The following DPP6 variants were observed in gnomAD, a reference collection of about 807,000 sequenced individuals.
DPP6 encodes the protein dipeptidyl peptidase like 6.
In DPP6, 69 loss-of-function variants were observed where a neutral mutation model predicts 122.6. The observed-to-expected ratio is 0.56, with a 90% CI of 0.46 to 0.69. DPP6 has a LOEUF of 0.69. Ranked by LOEUF, DPP6 falls within the 30% of genes least tolerant of loss-of-function variation. DPP6 has a pLI of 0.00. For missense variants in DPP6, 928 were observed against 1,116.9 expected (o/e 0.83, Z 2.41); for synonymous variants, 418 against 433.1 (o/e 0.97, Z 0.43).
chr7:154,337,590 G>T (rs754396267), intron 1 of DPP6, among the ~76,000 whole-genome samples: 2 of 152,158 alleles, frequency 1.3e-5, no homozygotes, highest in Non-Finnish European at 2.9e-5. Context: ...AGTCTTCAAA[G>T]AGCTCAGAGA....
chr7:154,160,198 G>T (rs1796908435), intron 1 of DPP6, among the ~76,000 whole-genome samples: 3 of 151,708 alleles, frequency 2.0e-5, no homozygotes, highest in African/African-American at 7.3e-5. Flanking sequence ...GCAAAGACAG[G>T]ACTTGAACCC....
intron 1 of DPP6, among the ~76,000 whole-genome samples, chr7:154,157,909 G>T (rs886585268): frequency 1.1e-4 from 16 of 149,738 alleles, no homozygotes; most frequent in East Asian, 5.9e-4. Context: ...CTCCAGCCTG[G>T]GCAACAAGAG....
intron 1 of DPP6, among the ~76,000 whole-genome samples, chr7:154,089,823 A>G (rs927336292): frequency 6.6e-6 from 1 of 151,952 alleles, no homozygotes; most frequent in African/African-American, 2.4e-5. Context: ...GACTTTAATC[A>G]TTATCAGTAG....
At chr7:154,190,654 G>C (rs1268150734) in intron 1 of DPP6, among the ~76,000 whole-genome samples, 1 of 152,078 alleles carries the variant, frequency 6.6e-6, no homozygotes, top group Non-Finnish European at 1.5e-5. Context: ...CTTGGAGCTT[G>C]CTATTGATTA....
rs148176771 is a variant in DPP6 at position 154,480,999 on chromosome 7, G to A, written c.457+5962G>A. Among the ~76,000 whole-genome samples the A allele has an allele frequency of 2.6e-3, 394 of 152,198 alleles. 4 individuals carry two copies. The highest frequency in any genetic ancestry group is 8.6e-3 in the African/African-American group (358 of 41,506). Reference sequence around the variant, plus strand: ...GTGCCCATCCTAGCCTCCACGTGATGTTTGGGTGCATGAATACCATGGCAG... The same window carrying A: ...GTGCCCATCCTAGCCTCCACGTGATATTTGGGTGCATGAATACCATGGCAG... On this transcript the variant is annotated intron_variant, in intron 3 of 25. Coordinates refer to ENST00000377770, the MANE Select transcript of DPP6 (RefSeq NM_130797.4).
At chr7:153,754,615 C>A in the DPP6 span, among the ~76,000 whole-genome samples, 2 of 152,276 alleles carry the variant, frequency 1.3e-5, no homozygotes, top group East Asian at 3.9e-4. Context: ...ATTATCTTGT[C>A]AAACTTTTTT....
chr7:154,177,098 T>C (rs1441825035), intron 1 of DPP6, among the ~76,000 whole-genome samples: 1 of 152,166 alleles, frequency 6.6e-6, no homozygotes, highest in Non-Finnish European at 1.5e-5. Context: ...CCTTCCAAAG[T>C]GCTGGGTTTA....
At chr7:153,803,297 G>C in the DPP6 span, among the ~76,000 whole-genome samples, 2 of 149,294 alleles carry the variant, frequency 1.3e-5, no homozygotes, top group Non-Finnish European at 3.0e-5. Context: ...CATTATTTTG[G>C]GGTGTGTGTG....
chr7:154,830,227 C>T (rs890974120), intron 16 of DPP6, among the ~76,000 whole-genome samples: 5 of 152,112 alleles, frequency 3.3e-5, no homozygotes, highest in African/African-American at 9.7e-5. Flanking sequence ...ATCACCTGTT[C>T]GGTCCTTACC....
intron 8 of DPP6, among the ~76,000 whole-genome samples, chr7:154,740,769 T>TGTCCCCTTCCTCTCCCCTTTC (rs1376147785): frequency 2.6e-5 from 4 of 152,146 alleles, no homozygotes; most frequent in African/African-American, 9.7e-5. Flanking sequence ...TCGGCCTTTT[T>TGTCCCCTTCCTCTCCCCTTTC]GTCCCCTTCC....
intron 1 of DPP6, among the ~76,000 whole-genome samples, chr7:154,431,183 C>T (rs976483379): frequency 3.9e-5 from 6 of 152,174 alleles, no homozygotes; most frequent in East Asian, 1.9e-4. Flanking sequence ...CAAGGATGCT[C>T]GCTGGGAGCC....
chr7:154,394,923 C>T (rs1322132648), intron 1 of DPP6, among the ~76,000 whole-genome samples: 1 of 152,218 alleles, frequency 6.6e-6, no homozygotes, highest in Non-Finnish European at 1.5e-5. Context: ...TGGCTCTCTA[C>T]TTAATGCATT....
rs1806090890 is a variant in DPP6, at chr7:154,304,059, A to G, written c.244-142155A>G. Among the ~76,000 whole-genome samples the G allele has an allele frequency of 2.0e-5, 3 of 152,294 alleles. 1 individual carries two copies. Among genetic ancestry groups the G allele is most frequent in the African/African-American group, 7.2e-5 (3 of 41,564 alleles). On this transcript the variant is annotated intron_variant, in intron 1 of 25. Coordinates refer to ENST00000377770, the MANE Select transcript of DPP6 (RefSeq NM_130797.4). ...TCACAGAGATGCAAAGACTAGAGTGACTGATTCAGGCCCTGGCCTGAAGGA... is the reference window on the plus strand; with the variant it reads ...TCACAGAGATGCAAAGACTAGAGTGGCTGATTCAGGCCCTGGCCTGAAGGA...
rs527372632 is a variant in DPP6, at chr7:154,206,307, A to T, written c.243+153244A>T. 1.2e-3 allele frequency among the ~76,000 whole-genome samples: 188 copies of T among 152,240 alleles called. 1 individual carries two copies. The highest frequency in any genetic ancestry group is 4.4e-3 in the African/African-American group (181 of 41,542). Reference sequence around the variant, plus strand: ...TCCGAACCTCTGTGCTCTCTTACATAAATTAGCAACCTCCTCTGGCATCTC... The same window carrying T: ...TCCGAACCTCTGTGCTCTCTTACATTAATTAGCAACCTCCTCTGGCATCTC... On this transcript the variant is annotated intron_variant, in intron 1 of 25. Transcript: ENST00000377770.
chr7:153,914,525 T>C (rs1800224113), intron 1 of DPP6, among the ~76,000 whole-genome samples: 1 of 152,212 alleles, frequency 6.6e-6, no homozygotes, highest in Admixed American at 6.5e-5. Context: ...GGAATAGCTT[T>C]ATTGAGTTAT....
At position 154,821,804 on chromosome 7, in the gene DPP6, G is replaced by C. The variant is rs914834852; in HGVS notation, c.1666+14692G>C. Among the ~76,000 whole-genome samples, 2 of 151,892 alleles carry C rather than the reference G, an allele frequency of 1.3e-5. No individual in the cohort carries two copies. The highest frequency in any genetic ancestry group is 2.9e-5 in the Non-Finnish European group (2 of 67,992). ...CTTTTCAGTTCAATCAAAGGAAACA[G>C]TAAGACCATTTTGGTGACTACAAAA... On this transcript the variant is annotated intron_variant, in intron 16 of 25. Transcript: ENST00000377770. The surrounding 1 kb of genome is among the most constrained non-coding windows in gnomAD (Gnocchi z 4.2).
intron 1 of DPP6, chr7:154,026,707 G>T (rs929371896): frequency 2.0e-5 from 3 of 151,186 alleles, no homozygotes; most frequent in African/African-American, 4.9e-5. Context: ...AAGAGCAAAA[G>T]AAATGAAATA....
the DPP6 span, among the ~76,000 whole-genome samples, chr7:153,802,487 GA>G: frequency 3.9e-5 from 6 of 152,036 alleles, no homozygotes; most frequent in Non-Finnish European, 8.8e-5. Context: ...TGATAAAAAA[GA>G]AGAAACAAAC....
At chr7:154,179,887 C>G (rs924261571) in intron 1 of DPP6, among the ~76,000 whole-genome samples, 22 of 152,240 alleles carry the variant, frequency 1.4e-4, no homozygotes, top group African/African-American at 5.3e-4. Context: ...AAAAAATCAA[C>G]ACATTATTAA....
Sources: allele counts gnomAD v4.1 joint callset (sites outside exome capture counted in the v4.1 genomes callset), GRCh38; gene constraint gnomAD v4.1.1; non-coding constraint Gnocchi (gnomAD v3.1); transcripts MANE v1.5; gene names NCBI Gene and HGNC (gene_info 2026-07-23, HGNC 2026-07-21).